TMTC2: variants seen among roughly 807,000 people sequenced by gnomAD.
TMTC2 encodes the protein transmembrane O-mannosyltransferase targeting cadherins 2, also known as protein O-mannosyl-transferase TMTC2.
TMTC2 carries 43 observed loss-of-function variants against 82.4 expected under a neutral mutation model. The ratio of observed to expected loss-of-function variants is 0.52; its 90% CI spans 0.41 to 0.67. TMTC2 has a LOEUF of 0.67. TMTC2 is among the 30% of genes least tolerant of loss of function. The probability of loss-of-function intolerance (pLI) is 0.00; values close to 1 mark genes in which losing one functional copy is unlikely to be tolerated. For missense variants in TMTC2, 919 were observed against 1,012.4 expected, an observed-to-expected ratio of 0.91 and a Z score of 1.25; for synonymous variants, 408 against 381.9, an observed-to-expected ratio of 1.07 and a Z score of -0.80.
chr12:82,755,853 G>A (rs1477536483), intron 1 of TMTC2, among the ~76,000 whole-genome samples: 2 of 151,712 alleles, frequency 1.3e-5, no homozygotes. Flanking sequence ...GTTGTTGTTA[G>A]TATTTTTCTT....
chr12:82,802,802 T>C (rs891904896), intron 1 of TMTC2, among the ~76,000 whole-genome samples: 4 of 152,004 alleles, frequency 2.6e-5, no homozygotes, highest in African/African-American at 7.2e-5. Context: ...GACTTTGTGG[T>C]AGAAAATTAG....
At chr12:82,723,747 A>G (rs956608207) in intron 1 of TMTC2, among the ~76,000 whole-genome samples, 2 of 152,186 alleles carry the variant, frequency 1.3e-5, no homozygotes, top group African/African-American at 2.4e-5. Flanking sequence ...TGCTCAACCT[A>G]TATGGCCTTT....
At chr12:82,847,633 A>G (rs1565776679) in intron 1 of TMTC2, among the ~76,000 whole-genome samples, 1 of 152,186 alleles carries the variant, frequency 6.6e-6, no homozygotes, top group Non-Finnish European at 1.5e-5. Context: ...GGATGAATTC[A>G]TGTCCTTTGC....
chr12:82,905,517 T>C (rs766520927), intron 3 of TMTC2, among the ~76,000 whole-genome samples: 1 of 152,348 alleles, frequency 6.6e-6, no homozygotes, highest in Non-Finnish European at 1.5e-5. Flanking sequence ...ATTTTTAATG[T>C]AAATATGTGA....
In TMTC2 at chr12:82,847,114, C is replaced by G. The variant is rs977102226; in HGVS notation, c.84-9896C>G. ...GCATAGTATTTCTCTCATTCTCTTA[C>G]CCTATTAGCCAAGTATTTGCATATT... On this transcript the variant is annotated intron_variant, in intron 1 of 11. Coordinates refer to ENST00000321196, the MANE Select transcript of TMTC2 (RefSeq NM_152588.3). Among the ~76,000 whole-genome samples the G allele has an allele frequency of 7.2e-5, 11 of 152,132 alleles. 2 individuals carry two copies. Among genetic ancestry groups the G allele is most frequent in the African/African-American group, 2.7e-4 (11 of 41,386 alleles).
At chr12:83,019,646 G>A (rs1880826576) in intron 8 of TMTC2, among the ~76,000 whole-genome samples, 1 of 151,938 alleles carries the variant, frequency 6.6e-6, no homozygotes, top group Non-Finnish European at 1.5e-5. Flanking sequence ...TTCGGTTTTG[G>A]TCCAAAAACT....
chr12:82,921,097 C>T (rs1243730910), intron 3 of TMTC2, among the ~76,000 whole-genome samples: 1 of 149,392 alleles, frequency 6.7e-6, no homozygotes, highest in African/African-American at 2.5e-5. Flanking sequence ...GTTTTTTTTT[C>T]CCCCTAGCAG....
intron 11 of TMTC2, among the ~76,000 whole-genome samples, chr12:83,075,311 A>T (rs1264200953): frequency 1.3e-5 from 2 of 152,222 alleles, no homozygotes; most frequent in Non-Finnish European, 2.9e-5. Flanking sequence ...CTTGGAGTTG[A>T]TCTGGAGCTA....
At chr12:82,812,916 T>G (rs1868478417) in intron 1 of TMTC2, among the ~76,000 whole-genome samples, 1 of 152,080 alleles carries the variant, frequency 6.6e-6, no homozygotes, top group Non-Finnish European at 1.5e-5. Context: ...ATAGCAACTT[T>G]CACTTTTGAT....
chr12:82,956,634 A>G (rs1877630016), intron 4 of TMTC2, among the ~76,000 whole-genome samples: 2 of 152,010 alleles, frequency 1.3e-5, no homozygotes, highest in South Asian at 4.1e-4. Flanking sequence ...TTGTATTTTT[A>G]GTAGAGATGG....
intron 1 of TMTC2, among the ~76,000 whole-genome samples, chr12:82,798,674 G>C (rs117185281): frequency 0.017 from 2,649 of 151,538 alleles, 48 homozygotes; most frequent in Middle Eastern, 0.037. Context: ...GGGCGTTGTG[G>C]TGGGAGCCTG....
chr12:82,714,871 A>G (rs1003110118), intron 1 of TMTC2, among the ~76,000 whole-genome samples: 6 of 152,206 alleles, frequency 3.9e-5, no homozygotes, highest in Non-Finnish European at 8.8e-5. Flanking sequence ...TGGGACTTGA[A>G]CATAGGTAGG....
chr12:82,965,382 T>C (rs1479871887), intron 5 of TMTC2, among the ~76,000 whole-genome samples, 178 bp from the exon 6 acceptor site: 1 of 152,176 alleles, frequency 6.6e-6, no homozygotes, highest in Non-Finnish European at 1.5e-5. Flanking sequence ...TCATATGTTC[T>C]GCAGTGATAT....
chr12:82,773,097 G>T (rs1592509833), intron 1 of TMTC2, among the ~76,000 whole-genome samples: 1 of 152,222 alleles, frequency 6.6e-6, no homozygotes, highest in Non-Finnish European at 1.5e-5. Context: ...ATGGAAAATG[G>T]ATCCCAAGTG....
intron 9 of TMTC2, among the ~76,000 whole-genome samples, chr12:83,045,727 G>GGGCACACACACACACACACACA (rs1437284307): frequency 7.0e-6 from 1 of 142,538 alleles, no homozygotes; most frequent in East Asian, 2.2e-4. Flanking sequence ...ACACACACAC[G>GGGCACACACACACACACACACA]CACACACACA....
At chr12:82,761,485 A>G (rs1389806453) in intron 1 of TMTC2, among the ~76,000 whole-genome samples, 1 of 152,186 alleles carries the variant, frequency 6.6e-6, no homozygotes, top group Non-Finnish European at 1.5e-5. Context: ...GATTCAAGCG[A>G]GTATTCGCTT....
intron 1 of TMTC2, among the ~76,000 whole-genome samples, chr12:82,762,075 T>C (rs1469676649): frequency 1.3e-5 from 2 of 149,436 alleles, no homozygotes; most frequent in African/African-American, 4.9e-5. Flanking sequence ...CAAGTGATTC[T>C]CCTGCCTCAG....
intron 3 of TMTC2, among the ~76,000 whole-genome samples, chr12:82,899,845 C>T (rs551083192): frequency 1.2e-4 from 17 of 138,282 alleles, no homozygotes; most frequent in South Asian, 6.7e-4. Context: ...TATACATATC[C>T]GGAATATAGA....
intron 11 of TMTC2, among the ~76,000 whole-genome samples, chr12:83,087,939 C>T (rs1297761005): frequency 6.6e-6 from 1 of 152,214 alleles, no homozygotes; most frequent in African/African-American, 2.4e-5. Context: ...AGCTTTGAAG[C>T]CAGGCAGTGA....
Sources: gnomAD v4.1 joint callset for allele counts (sites outside exome capture counted in the v4.1 genomes callset) on GRCh38, gnomAD v4.1.1 for gene constraint, MANE v1.5 for transcripts, NCBI Gene and HGNC (gene_info 2026-07-23, HGNC 2026-07-21) for gene names.